GRID1: variants seen among roughly 807,000 people sequenced by gnomAD.
The protein encoded by GRID1 is glutamate receptor ionotropic, delta-1.
A neutral mutation model predicts 98.0 loss-of-function variants in GRID1; 28 were observed. The ratio of observed to expected loss-of-function variants is 0.29; its 90% CI spans 0.21 to 0.39. The LOEUF is 0.39. Among genes scored for constraint, GRID1 ranks in the 10% least tolerant of loss-of-function variants. The probability of loss-of-function intolerance (pLI) is 1.00; values close to 1 mark genes in which losing one functional copy is unlikely to be tolerated. For synonymous variants in GRID1, 553 were observed against 538.5 expected (o/e 1.03, Z -0.37); for missense variants, 1,111 against 1,340.5 (o/e 0.83, Z 2.67).
At chr10:85,881,323 C>T (rs1841010312) in intron 5 of GRID1, among the ~76,000 whole-genome samples, 1 of 152,158 alleles carries the variant, frequency 6.6e-6, no homozygotes. Flanking sequence ...CAAGTCAAGC[C>T]TAAGCCAAAA....
intron 4 of GRID1, among the ~76,000 whole-genome samples, chr10:85,999,211 C>CAAAAA (rs60210628): frequency 1.5e-5 from 2 of 130,050 alleles, no homozygotes; most frequent in South Asian, 2.4e-4. Context: ...GACTCTATTT[C>CAAAAA]AAAAAAAAAA....
At chr10:85,772,850 G>C (rs935926654) in intron 8 of GRID1, among the ~76,000 whole-genome samples, 2 of 152,070 alleles carry the variant, frequency 1.3e-5, no homozygotes, top group East Asian at 1.9e-4. Context: ...CAACCAAAAA[G>C]AGTCCAGGAC....
chr10:86,356,869 G>A (rs951832527), intron 2 of GRID1, among the ~76,000 whole-genome samples: 1 of 152,200 alleles, frequency 6.6e-6, no homozygotes, highest in East Asian at 1.9e-4. Context: ...GTTGTTAGGC[G>A]ACAGCATTTC....
At chr10:85,770,051 G>A (rs1394263961) in intron 8 of GRID1, among the ~76,000 whole-genome samples, 1 of 152,192 alleles carries the variant, frequency 6.6e-6, no homozygotes, top group South Asian at 2.1e-4. Context: ...CCTGACCCCT[G>A]AGCAGCCTAA....
chr10:85,935,080 T>C (rs1841908729), intron 4 of GRID1, among the ~76,000 whole-genome samples: 1 of 152,172 alleles, frequency 6.6e-6, no homozygotes, highest in South Asian at 2.1e-4. Context: ...CCATGACGGG[T>C]CCCGGCTAAC....
intron 6 of GRID1, among the ~76,000 whole-genome samples, chr10:85,863,906 T>G (rs1442193038): frequency 6.6e-6 from 1 of 152,204 alleles, no homozygotes; most frequent in Non-Finnish European, 1.5e-5. Flanking sequence ...GTAAAAATCA[T>G]TCTTGGAGGA....
intron 8 of GRID1, among the ~76,000 whole-genome samples, chr10:85,828,001 T>C (rs965355360): frequency 1.3e-5 from 2 of 152,098 alleles, no homozygotes; most frequent in African/African-American, 2.4e-5. Context: ...CATTTGCACA[T>C]GGCACATACT....
chr10:86,250,113 A>C (rs1041034682), intron 2 of GRID1, among the ~76,000 whole-genome samples: 1 of 152,136 alleles, frequency 6.6e-6, no homozygotes, highest in African/African-American at 2.4e-5. Context: ...GGATGCATGC[A>C]TGTATGAGTC....
At chr10:86,026,454 C>T (rs1003082725) in intron 4 of GRID1, among the ~76,000 whole-genome samples, 4 of 152,118 alleles carry the variant, frequency 2.6e-5, no homozygotes, top group African/African-American at 7.2e-5. Context: ...TTCAGAGGAA[C>T]GGAGGATGAG....
chr10:86,067,965 C>G (rs1478389478), intron 4 of GRID1, among the ~76,000 whole-genome samples: 1 of 152,212 alleles, frequency 6.6e-6, no homozygotes, highest in Non-Finnish European at 1.5e-5. Flanking sequence ...TCTGCAATGC[C>G]AGGCTCTGCT....
intron 4 of GRID1, among the ~76,000 whole-genome samples, chr10:85,919,984 C>G (rs1029688034): frequency 1.3e-5 from 2 of 152,168 alleles, no homozygotes; most frequent in African/African-American, 4.8e-5. Context: ...CTGCTTGGCA[C>G]TCACGGTGCC....
Position 86,127,411 on chromosome 10 carries a change from A to T in GRID1, c.726+11408T>A, listed in dbSNP as rs1423274372. ...TCCTTCTATCAGCCCAGTAACTAGC[A>T]CTCCTGAGAAGCCACTAGTAGCTGC... On this transcript the variant is annotated intron_variant, in intron 4 of 15. Coordinates refer to ENST00000327946, the MANE Select transcript of GRID1 (RefSeq NM_017551.3). Among the ~76,000 whole-genome samples the T allele has an allele frequency of 2.6e-5, 4 of 151,934 alleles. No homozygotes were observed. In the East Asian group the frequency reaches 7.8e-4, roughly 29 times the overall value.
intron 8 of GRID1, among the ~76,000 whole-genome samples, chr10:85,770,449 T>G (rs1475237127): frequency 6.6e-6 from 1 of 152,146 alleles, no homozygotes; most frequent in African/African-American, 2.4e-5. Context: ...CAGCTCCTCA[T>G]GAGCAACGGA....
chr10:85,833,452 A>T (rs1316399446), intron 8 of GRID1, among the ~76,000 whole-genome samples: 1 of 152,098 alleles, frequency 6.6e-6, no homozygotes, highest in Non-Finnish European at 1.5e-5. Context: ...AAAATTAAGT[A>T]GTCACTGAAA....
intron 8 of GRID1, among the ~76,000 whole-genome samples, chr10:85,850,842 A>G (rs1467601515): frequency 6.6e-6 from 1 of 152,220 alleles, no homozygotes; most frequent in African/African-American, 2.4e-5. Flanking sequence ...GGTTCAGAAA[A>G]GGGAAGTTGT....
At chr10:86,287,702 C>T (rs1250161420) in intron 2 of GRID1, among the ~76,000 whole-genome samples, 1 of 152,060 alleles carries the variant, frequency 6.6e-6, no homozygotes, top group East Asian at 1.9e-4. Flanking sequence ...ACAGCCGTTG[C>T]ACCTGTTCTT....
At chr10:86,184,509 T>C (rs1845702017) in intron 3 of GRID1, among the ~76,000 whole-genome samples, 1 of 145,576 alleles carries the variant, frequency 6.9e-6, no homozygotes, top group African/African-American at 2.6e-5. Context: ...TCCAGCACCA[T>C]TTGTTTAAAA....
Position 86,171,056 on chromosome 10 carries a change from C to G in GRID1, c.521-32032G>C, listed in dbSNP as rs190078544. Among the ~76,000 whole-genome samples, 400 of 152,286 alleles carry G rather than the reference C, an allele frequency of 2.6e-3. 1 individual carries two copies. The highest frequency in any genetic ancestry group is 9.3e-3 in the African/African-American group (388 of 41,562). ...CAGACTTCAAGGCATACTAGAATCA[C>G]CTGGAAAGTTTTAATACTCTCTACC... On this transcript the variant is annotated intron_variant, in intron 3 of 15. Transcript: ENST00000327946.
chr10:86,315,746 C>T (rs1276762558), intron 2 of GRID1, among the ~76,000 whole-genome samples: 5 of 152,094 alleles, frequency 3.3e-5, no homozygotes, highest in African/African-American at 1.2e-4. Flanking sequence ...CAACCATCCA[C>T]CCATCCATCT....
Sources: gnomAD v4.1 joint callset for allele counts (sites outside exome capture counted in the v4.1 genomes callset) on GRCh38, gnomAD v4.1.1 for gene constraint, MANE v1.5 for transcripts, NCBI Gene and HGNC (gene_info 2026-07-23, HGNC 2026-07-21) for gene names.